The following PCDHGB5 variants were observed in gnomAD, a reference collection of about 807,000 sequenced individuals.
PCDHGB5 encodes the protein protocadherin gamma-B5.
A neutral mutation model predicts 62.9 loss-of-function variants in PCDHGB5; 48 were observed. That is an observed-to-expected ratio of 0.76 (90% CI 0.61 to 0.97). PCDHGB5 has a LOEUF of 0.97. Among genes scored for constraint, PCDHGB5 ranks in the 50% least tolerant of loss-of-function variants. PCDHGB5 has a pLI of 0.00. For missense variants in PCDHGB5, 1,118 were observed against 1,198.6 expected, an observed-to-expected ratio of 0.93 and a Z score of 0.99; for synonymous variants, 474 against 511.2, an observed-to-expected ratio of 0.93 and a Z score of 0.98.
In PCDHGB5 at chr5:141,431,202, C is replaced by T. The variant is rs2097350864; in HGVS notation, c.2397+30678C>T. The stretch of plus-strand genomic sequence containing the variant: ...ATAAAAATTAGTGAAAATGCAGCCA[C>T]TGAGATGCGGTTCCCTCTACCCCAC... On this transcript the variant is annotated intron_variant, in intron 1 of 3. Coordinates refer to ENST00000617380, the MANE Select transcript of PCDHGB5 (RefSeq NM_018925.3). The surrounding 1 kb of genome is among the most constrained non-coding windows in gnomAD (Gnocchi z 4.8). 6.2e-7 allele frequency: 1 copy of T among 1,614,204 alleles called. No individual in the cohort carries two copies. Among genetic ancestry groups the T allele is most frequent in the Non-Finnish European group, 8.5e-7 (1 of 1,180,052 alleles).
At chr5:141,472,668 C>T (rs2099292239) in intron 1 of PCDHGB5, among the ~76,000 whole-genome samples, 1 of 151,742 alleles carries the variant, frequency 6.6e-6, no homozygotes, top group African/African-American at 2.4e-5. Context: ...ATCCTGTATA[C>T]TGGTCCTTCC....
intron 1 of PCDHGB5, chr5:141,419,412 G>A (rs770138290): frequency 1.9e-6 from 3 of 1,613,446 alleles, no homozygotes; most frequent in South Asian, 2.2e-5. Context: ...TTCGCGCAGC[G>A]CGCCTTCGAC....
Position 141,400,268 on chromosome 5 carries a change from C to T in PCDHGB5, c.2141C>T (p.Ser714Phe), listed in dbSNP as rs976476082. 1.9e-6 allele frequency: 3 copies of T among 1,613,962 alleles called. No homozygotes were observed. The highest frequency in any genetic ancestry group is 4.5e-5 in the East Asian group (2 of 44,902). ...GCCGTTGCCTTGCGCCTGCGACGCT[C>T]CTCCAGCCCTGCCGCCTGGAGCTGC... The part of the protein sequence containing the change: ...ILAVALRLRR[S>F]SSPAAWSCFQ... Residue 714 changes from serine (S) to phenylalanine (F), a missense_variant, in exon 1 of 4, where the codon TCC (serine) becomes TTC (phenylalanine). Ser to Phe is a radical substitution (Grantham distance 155). Coordinates refer to ENST00000617380, the MANE Select transcript of PCDHGB5 (RefSeq NM_018925.3).
At chr5:141,423,205 A>G in intron 1 of PCDHGB5, 1 of 1,613,612 alleles carries the variant, frequency 6.2e-7, no homozygotes, top group South Asian at 1.1e-5. Flanking sequence ...GGCCACCGTC[A>G]CGCTCACCGT....
Position 141,490,705 on chromosome 5 carries a change from C to T in PCDHGB5, c.2398-4102C>T. 1 of 1,614,194 alleles carries T rather than the reference C, an allele frequency of 6.2e-7. No individual in the cohort carries two copies. Among genetic ancestry groups the T allele is most frequent in the South Asian group, 1.1e-5 (1 of 91,082 alleles). On this transcript the variant is annotated intron_variant, in intron 1 of 3. Coordinates refer to ENST00000617380, the MANE Select transcript of PCDHGB5 (RefSeq NM_018925.3). This position sits in a 1 kb window ranked among gnomAD's most constrained non-coding sequence, Gnocchi z 5.4. ...TCCAGACACTGGGGATAATGCCCGC[C>T]TCACCTACTCCATTGTAGGAAATCA...
chr5:141,423,969 C>G, intron 1 of PCDHGB5: 1 of 1,147,718 alleles, frequency 8.7e-7, no homozygotes, highest in Non-Finnish European at 1.1e-6. Flanking sequence ...TTTCTATTAT[C>G]AGTGTATGAG....
At chr5:141,414,457 G>C in intron 1 of PCDHGB5, 2 of 1,613,872 alleles carry the variant, frequency 1.2e-6, no homozygotes, top group Non-Finnish European at 1.7e-6. Flanking sequence ...CACAGTGACA[G>C]CCACAGATGG....
chr5:141,485,239 C>T lies in PCDHGB5; in HGVS notation c.2398-9568C>T. ...GGGCTACCCTTTTGTTCCTCTTTTA[C>T]CACCTGGGTTACGTTTGTGGGCAGA... On this transcript the variant is annotated intron_variant, in intron 1 of 3. Transcript: ENST00000617380. This position sits in a 1 kb window ranked among gnomAD's most constrained non-coding sequence, Gnocchi z 5.7. The T allele has an allele frequency of 6.2e-7, 1 of 1,614,140 alleles. No homozygotes were observed. Among genetic ancestry groups the T allele is most frequent in the South Asian group, 1.1e-5 (1 of 91,072 alleles).
At chr5:141,428,455 T>C (rs898393760) in intron 1 of PCDHGB5, 61 of 361,572 alleles carry the variant, frequency 1.7e-4, no homozygotes, top group African/African-American at 1.2e-3. Context: ...TTTTCCCAAC[T>C]ACAATGAGGG....
intron 1 of PCDHGB5, chr5:141,421,678 G>C (rs903229017): frequency 3.7e-6 from 6 of 1,613,776 alleles, no homozygotes; most frequent in Non-Finnish European, 5.1e-6. Context: ...AATTCCTGGG[G>C]CGCGATTTGC....
chr5:141,403,956 T>A (rs375951516), intron 1 of PCDHGB5: 6 of 1,613,884 alleles, frequency 3.7e-6, no homozygotes, highest in Non-Finnish European at 5.1e-6. Flanking sequence ...AAAGTGCTCA[T>A]TTCGGTGGAA....
chr5:141,410,524 T>A, intron 1 of PCDHGB5: 1 of 1,613,954 alleles, frequency 6.2e-7, no homozygotes. Context: ...TGCCCCTACA[T>A]TCCAATGAAG....
In PCDHGB5 at chr5:141,399,979, C is replaced by A. The variant is rs1402446986; in HGVS notation, c.1852C>A (p.Arg618Ser). The A allele has an allele frequency of 3.1e-6, 5 of 1,612,154 alleles. No individual in the cohort carries two copies. Among genetic ancestry groups the A allele is most frequent in the Non-Finnish European group, 4.2e-6 (5 of 1,179,660 alleles). Residue 618 changes from arginine to serine, a missense_variant, in exon 1 of 4, where the codon CGC (arginine) becomes AGC (serine). Physicochemically the swap from Arg to Ser is moderately radical, Grantham distance 110 (BLOSUM62 -1). Around this residue, in one of 2 missense-constraint regions of PCDHGB5, gnomAD observed 1,034 missense variants for 1,029.1 expected, o/e 1.00. Coordinates refer to ENST00000617380, the MANE Select transcript of PCDHGB5 (RefSeq NM_018925.3). ...SEPGLFSLGL[R>S]TGEVRTARAL... ...GCCCGGGCTCTTCAGCCTGGGGCTG[C>A]GCACAGGAGAGGTGCGCACAGCGCG...
In PCDHGB5 at chr5:141,432,330, A is replaced by G. The variant is rs760184218; in HGVS notation, c.2397+31806A>G. 82 of 1,614,134 alleles carry G rather than the reference A, an allele frequency of 5.1e-5. No individual in the cohort carries two copies. The highest frequency in any genetic ancestry group is 6.8e-5 in the Non-Finnish European group (80 of 1,180,048). Reference sequence around the variant, plus strand: ...GCGCTGAGCTCCTTCGACTACGAGCAGTTCCGAGACTTGCAAGTGAAAGTG... The same window carrying G: ...GCGCTGAGCTCCTTCGACTACGAGCGGTTCCGAGACTTGCAAGTGAAAGTG... On this transcript the variant is annotated intron_variant, in intron 1 of 3. Transcript: ENST00000617380. The surrounding 1 kb of genome is among the most constrained non-coding windows in gnomAD (Gnocchi z 6.0).
chr5:141,501,478 T>A (rs536337246), intron 2 of PCDHGB5, among the ~76,000 whole-genome samples: 5 of 151,890 alleles, frequency 3.3e-5, no homozygotes, highest in Non-Finnish European at 7.4e-5. Flanking sequence ...CCTGGAAGAG[T>A]CCCTCATATC....
chr5:141,409,196 A>G (rs1197077093), intron 1 of PCDHGB5: 2 of 1,613,926 alleles, frequency 1.2e-6, no homozygotes, highest in Non-Finnish European at 1.7e-6. Flanking sequence ...TACCCAGTGT[A>G]AAGTAATCAT....
intron 2 of PCDHGB5, among the ~76,000 whole-genome samples, chr5:141,495,702 T>G (rs1462896403): frequency 6.6e-6 from 1 of 152,212 alleles, no homozygotes; most frequent in African/African-American, 2.4e-5. Context: ...TCAATAAATG[T>G]GGAGTGAGTA....
chr5:141,419,735 G>T (rs1013306543), intron 1 of PCDHGB5: 1 of 1,613,806 alleles, frequency 6.2e-7, no homozygotes, highest in Non-Finnish European at 8.5e-7. Context: ...AACAGGCGAG[G>T]TGCGCATGGT....
rs376843278 is a variant in PCDHGB5, at chr5:141,398,793, A to G, written c.666A>G (p.Leu222=). The change falls in exon 1 of 4, where the codon CTA becomes CTG. Residue 222 remains leucine, a synonymous_variant. Transcript: ENST00000617380. ...LTALDGGHPP[L]SGTTELRIQV... ...CCTTGGACGGTGGACATCCACCCCT[A>G]AGCGGCACCACTGAGCTCCGGATCC... is the stretch of plus-strand genomic sequence containing the variant. 2.5e-5 allele frequency: 41 copies of G among 1,613,830 alleles called. No individual in the cohort carries two copies. Among genetic ancestry groups the G allele is most frequent in the South Asian group, 1.1e-5 (1 of 91,084 alleles).
Sources: allele counts gnomAD v4.1 joint callset (sites outside exome capture counted in the v4.1 genomes callset), GRCh38; gene constraint gnomAD v4.1.1; regional missense constraint gnomAD v4.1.1; non-coding constraint Gnocchi (gnomAD v3.1); transcripts MANE v1.5; gene names NCBI Gene and HGNC (gene_info 2026-07-23, HGNC 2026-07-21).